The following CSMD1 variants were observed in gnomAD, a reference collection of about 807,000 sequenced individuals.
The protein encoded by CSMD1 is CUB and Sushi multiple domains 1.
CSMD1 carries 213 observed loss-of-function variants against 417.5 expected under a neutral mutation model. That is an observed-to-expected ratio of 0.51 (90% CI 0.46 to 0.57). CSMD1 has a LOEUF of 0.57. Among genes scored for constraint, CSMD1 ranks in the 20% least tolerant of loss-of-function variants. The probability of loss-of-function intolerance (pLI) is 0.00; values close to 1 mark genes in which losing one functional copy is unlikely to be tolerated. For synonymous variants in CSMD1, 2,862 were observed against 1,736.8 expected (o/e 1.65, Z -16.11); for missense variants, 6,923 against 4,529.7 (o/e 1.53, Z -15.17).
intron 3 of CSMD1, among the ~76,000 whole-genome samples, chr8:4,202,151 G>C (rs1441001720): frequency 1.3e-5 from 2 of 151,964 alleles, no homozygotes; most frequent in Non-Finnish European, 2.9e-5. Flanking sequence ...CCATTTCTAG[G>C]ACGGGTGGGA....
chr8:3,569,338 A>T (rs1799849445), intron 10 of CSMD1, among the ~76,000 whole-genome samples: 1 of 152,220 alleles, frequency 6.6e-6, no homozygotes, highest in Admixed American at 6.5e-5. Context: ...TTGCATGAGG[A>T]GTTTTACATA....
At chr8:3,106,872 T>G (rs1816181650) in intron 45 of CSMD1, 3 of 364,410 alleles carry the variant, frequency 8.2e-6, no homozygotes. Context: ...TGTGGCAGCT[T>G]TTCTTCCTTG....
At chr8:4,367,072 A>G (rs1267104555) in intron 3 of CSMD1, among the ~76,000 whole-genome samples, 1 of 151,950 alleles carries the variant, frequency 6.6e-6, no homozygotes, top group Non-Finnish European at 1.5e-5. Context: ...GTCAATTTTT[A>G]TTTTTATTGC....
chr8:4,187,882 T>C (rs1320044329), intron 3 of CSMD1, among the ~76,000 whole-genome samples: 1 of 152,082 alleles, frequency 6.6e-6, no homozygotes, highest in African/African-American at 2.4e-5. Flanking sequence ...TCTCAGGCCA[T>C]GGCAGCACTG....
At chr8:2,950,488 A>T (rs1802555826) in intron 66 of CSMD1, 145 bp from the exon 67 acceptor site, 2 of 603,216 alleles carry the variant, frequency 3.3e-6, no homozygotes, top group Non-Finnish European at 5.9e-6. Flanking sequence ...TTATTTGTGA[A>T]TTTTAGCTTA....
chr8:3,362,588 T>A (rs1809266568), intron 20 of CSMD1, among the ~76,000 whole-genome samples: 1 of 152,160 alleles, frequency 6.6e-6, no homozygotes, highest in African/African-American at 2.4e-5. Context: ...GGGTTTCCAG[T>A]ATTTCTTTTT....
intron 1 of CSMD1, among the ~76,000 whole-genome samples, chr8:4,700,127 GT>G (rs1807429920): frequency 6.6e-6 from 1 of 151,210 alleles, no homozygotes; most frequent in African/African-American, 2.5e-5. Flanking sequence ...TGAACTTTTT[GT>G]TTAATTTTTA....
At chr8:3,278,603 T>C (rs1270215023) in intron 26 of CSMD1, 2 of 152,188 alleles carry the variant, frequency 1.3e-5, no homozygotes. Context: ...ATTATAAAAT[T>C]AGCATGGTTT....
chr8:3,105,219 G>T (rs999438903), intron 46 of CSMD1, among the ~76,000 whole-genome samples: 4 of 152,196 alleles, frequency 2.6e-5, no homozygotes, highest in African/African-American at 7.2e-5. Context: ...GCACAGTGCA[G>T]GGAAGAGTGA....
At chr8:4,458,773 G>A (rs150315586) in intron 2 of CSMD1, among the ~76,000 whole-genome samples, 8 of 152,074 alleles carry the variant, frequency 5.3e-5, no homozygotes, top group African/African-American at 1.9e-4. Context: ...CATTGAATAA[G>A]ATAACGGTTA....
At chr8:4,747,595 G>T (rs985471067) in intron 1 of CSMD1, among the ~76,000 whole-genome samples, 1 of 152,152 alleles carries the variant, frequency 6.6e-6, no homozygotes. Flanking sequence ...TACACTGAAT[G>T]TTGTGCTTCT....
chr8:4,779,878 C>A (rs1177319118), intron 1 of CSMD1, among the ~76,000 whole-genome samples: 1 of 152,114 alleles, frequency 6.6e-6, no homozygotes, highest in African/African-American at 2.4e-5. Context: ...CCCAGGCTTG[C>A]TGCTTCGGGG....
intron 1 of CSMD1, among the ~76,000 whole-genome samples, chr8:4,971,445 C>A (rs1209283887): frequency 2.0e-5 from 3 of 152,072 alleles, no homozygotes; most frequent in East Asian, 3.9e-4. Context: ...ATAATTCTAA[C>A]CTTCTGAAAG....
chr8:4,269,095 C>T (rs991400908), intron 3 of CSMD1, among the ~76,000 whole-genome samples: 5 of 152,140 alleles, frequency 3.3e-5, no homozygotes, highest in South Asian at 4.1e-4. Flanking sequence ...CTCACTTTGT[C>T]GCCCAGGCTG....
intron 18 of CSMD1, among the ~76,000 whole-genome samples, chr8:3,375,517 G>T (rs1810252319): frequency 6.6e-6 from 1 of 151,946 alleles, no homozygotes; most frequent in South Asian, 2.1e-4. Flanking sequence ...CCCTACAGAA[G>T]TCGCTGATTT....
chr8:4,458,646 T>C (rs1194244582), intron 2 of CSMD1, among the ~76,000 whole-genome samples: 1 of 152,196 alleles, frequency 6.6e-6, no homozygotes, highest in African/African-American at 2.4e-5. Flanking sequence ...GAGAATGTAT[T>C]TTGTATTCTC....
intron 5 of CSMD1, among the ~76,000 whole-genome samples, chr8:3,856,335 T>A (rs866557934): frequency 6.6e-6 from 1 of 152,206 alleles, no homozygotes; most frequent in Non-Finnish European, 1.5e-5. Context: ...CCCCAGAAGC[T>A]GCTATGCTTC....
intron 3 of CSMD1, among the ~76,000 whole-genome samples, chr8:4,348,870 A>C (rs1222762702): frequency 6.6e-6 from 1 of 152,140 alleles, no homozygotes; most frequent in Non-Finnish European, 1.5e-5. Flanking sequence ...GTTCATCTAC[A>C]TGTCTGTTGC....
rs35460301 is a variant in CSMD1, at chr8:3,315,437, AGTGT to A, written c.3632-6938_3632-6935del. On this transcript the variant is annotated intron_variant, in intron 23 of 69. Transcript: ENST00000635120. The stretch of plus-strand genomic sequence containing the variant: ...CAAGAATGAAATTCTAGGTGAAGTG[AGTGT>A]GTGTGTGTGTGTGTGTGTGTGATTT... Among the ~76,000 whole-genome samples, 703 of 124,162 alleles carry A rather than the reference AGTGT, an allele frequency of 5.7e-3. 4 individuals are homozygous for A. Among genetic ancestry groups the A allele is most frequent in the Non-Finnish European group, 9.5e-3 (502 of 52,722 alleles). 81.5% of individuals were successfully genotyped at this position (124,162 alleles called of 152,430 possible). A position where few individuals can be genotyped will look rare whatever the true frequency, so the allele number is the denominator to read the frequency against.
Sources: gnomAD v4.1 joint callset for allele counts (sites outside exome capture counted in the v4.1 genomes callset) on GRCh38, gnomAD v4.1.1 for gene constraint, MANE v1.5 for transcripts, NCBI Gene and HGNC (gene_info 2026-07-23, HGNC 2026-07-21) for gene names.